Variants in TENM4 observed in about 807,000 individuals in gnomAD.
The protein encoded by TENM4 is teneurin-4.
A neutral mutation model predicts 243.3 loss-of-function variants in TENM4; 82 were observed. That is an observed-to-expected ratio of 0.34 (90% CI 0.28 to 0.40). The LOEUF is 0.40. TENM4 is among the 10% of genes least tolerant of loss of function. TENM4 has a pLI of 1.00. For missense variants in TENM4, 3,138 were observed against 3,673.3 expected (o/e 0.85, Z 3.77); for synonymous variants, 1,412 against 1,456.3 (o/e 0.97, Z 0.69).
Position 78,702,337 on chromosome 11 carries a change from T to G in TENM4, c.4276A>C (p.Asn1426His). ...PMDNSLYVLDNNVVLQISENH... is the reference protein window; with the variant it reads ...PMDNSLYVLDHNVVLQISENH... Reference sequence around the variant, plus strand: ...TCAGAGATTTGCAGGACCACATTGTTGTCGAGGACATAAAGTGAGTTGTCC... The same window carrying G: ...TCAGAGATTTGCAGGACCACATTGTGGTCGAGGACATAAAGTGAGTTGTCC... Residue 1426 changes from asparagine (N) to histidine (H), a missense_variant, in exon 28 of 34, where the codon AAC (asparagine) becomes CAC (histidine). Asn to His is a moderately conservative substitution (Grantham distance 68). Transcript: ENST00000278550. The G allele has an allele frequency of 6.2e-7, 1 of 1,614,026 alleles. No individual in the cohort carries two copies. The highest frequency in any genetic ancestry group is 2.2e-5 in the East Asian group (1 of 44,888).
intron 1 of TENM4, among the ~76,000 whole-genome samples, chr11:79,304,063 G>A (rs1856589936): frequency 6.6e-6 from 1 of 152,162 alleles, no homozygotes; most frequent in Admixed American, 6.5e-5. Context: ...GTTGGAAGAA[G>A]GGCATCTGAA....
At chr11:79,374,551 T>G (rs1020869255) in intron 1 of TENM4, among the ~76,000 whole-genome samples, 2 of 124,782 alleles carry the variant, frequency 1.6e-5, no homozygotes, top group African/African-American at 3.4e-5. Flanking sequence ...TATCTATATA[T>G]CTATATAGAT....
intron 19 of TENM4, among the ~76,000 whole-genome samples, chr11:78,755,746 C>T (rs11237601): frequency 0.12 from 18,652 of 152,150 alleles, 1,176 homozygotes; most frequent in Middle Eastern, 0.17. Flanking sequence ...CAATCAGTTA[C>T]CAAGTCCTGC....
At chr11:78,704,169 A>G (rs1367803299) in intron 27 of TENM4, among the ~76,000 whole-genome samples, 3 of 101,682 alleles carry the variant, frequency 3.0e-5, no homozygotes, top group African/African-American at 9.9e-5. Context: ...CTATATATAT[A>G]TATATATATA....
chr11:78,797,517 A>G (rs1857184599), intron 15 of TENM4, among the ~76,000 whole-genome samples: 1 of 152,246 alleles, frequency 6.6e-6, no homozygotes, highest in Admixed American at 6.5e-5. Context: ...AAAACGTTCC[A>G]GGGCTGTCAG....
chr11:78,957,461 C>T (rs1013433666), intron 6 of TENM4, among the ~76,000 whole-genome samples: 2 of 152,156 alleles, frequency 1.3e-5, no homozygotes, highest in African/African-American at 4.8e-5. Flanking sequence ...GTTGACACCC[C>T]CAGGGACTCT....
At chr11:79,392,771 G>T (rs904642384) in intron 1 of TENM4, among the ~76,000 whole-genome samples, 2 of 152,212 alleles carry the variant, frequency 1.3e-5, no homozygotes, top group African/African-American at 2.4e-5. Flanking sequence ...AGGGTTTAAG[G>T]TCTTCCTAAA....
At chr11:78,768,960 T>C (rs988096313) in intron 18 of TENM4, among the ~76,000 whole-genome samples, 1 of 152,186 alleles carries the variant, frequency 6.6e-6, no homozygotes, top group African/African-American at 2.4e-5. Flanking sequence ...TCAATGAGCC[T>C]TGTTCTATAA....
intron 9 of TENM4, among the ~76,000 whole-genome samples, chr11:78,886,951 C>T (rs574356371): frequency 5.9e-5 from 9 of 152,294 alleles, no homozygotes; most frequent in African/African-American, 1.2e-4. Context: ...GTAATTGAAG[C>T]GATCAGCTTT....
chr11:79,419,656 T>C (rs1307153158), intron 1 of TENM4, among the ~76,000 whole-genome samples: 3 of 152,218 alleles, frequency 2.0e-5, no homozygotes, highest in Non-Finnish European at 4.4e-5. Context: ...CCTAGTTTCA[T>C]TTCCTCAGCT....
chr11:79,432,571 T>C (rs941458524), intron 1 of TENM4, among the ~76,000 whole-genome samples: 3 of 152,200 alleles, frequency 2.0e-5, no homozygotes, highest in Non-Finnish European at 4.4e-5. Context: ...ACCTTCACAA[T>C]AGTTTTGATG....
chr11:79,276,357 G>A (rs1302678683), intron 2 of TENM4, among the ~76,000 whole-genome samples: 1 of 152,234 alleles, frequency 6.6e-6, no homozygotes, highest in East Asian at 1.9e-4. Context: ...CCTGGAGGAA[G>A]GGCATTGTCT....
In TENM4 at chr11:78,658,381, A is replaced by G; in HGVS notation, c.7987T>C (p.Tyr2663His). 4 of 1,614,014 alleles carry G rather than the reference A, an allele frequency of 2.5e-6. No individual in the cohort carries two copies. Among genetic ancestry groups the G allele is most frequent in the Admixed American group, 1.7e-5 (1 of 60,022 alleles). ...NTVLNGRTRR[Y>H]TDIQLQYGAL... ...CCGTACTGGAGCTGGATGTCTGTGT[A>G]GCGTCTAGTCCTGCCATTAAGTACT... The change falls in exon 34 of 34, where the codon TAC becomes CAC. Residue 2663 changes from tyrosine (Y) to histidine (H), a missense_variant. Tyr to His is a moderately conservative substitution (Grantham distance 83). This residue lies in a region of TENM4 where 2,467 missense variants were observed against 3,059.1 expected (regional missense o/e 0.81). Transcript: ENST00000278550.
chr11:78,936,537 G>C (rs2136440202), intron 6 of TENM4, among the ~76,000 whole-genome samples: 1 of 152,290 alleles, frequency 6.6e-6, no homozygotes, highest in African/African-American at 2.4e-5. Context: ...CACTGGAAAA[G>C]GGGCCATCAG....
intron 4 of TENM4, among the ~76,000 whole-genome samples, chr11:79,110,030 C>G (rs1861468495): frequency 6.6e-6 from 1 of 152,244 alleles, no homozygotes; most frequent in African/African-American, 2.4e-5. Flanking sequence ...ACAATTCCTG[C>G]TGGCACATTC....
intron 1 of TENM4, among the ~76,000 whole-genome samples, chr11:79,309,030 T>C (rs76536873): frequency 0.037 from 5,542 of 151,600 alleles, 337 homozygotes; most frequent in African/African-American, 0.13. Flanking sequence ...CCTATAGAGA[T>C]AAGATAATAA....
At chr11:79,282,132 G>A (rs911331718) in intron 2 of TENM4, among the ~76,000 whole-genome samples, 4 of 152,128 alleles carry the variant, frequency 2.6e-5, no homozygotes, top group African/African-American at 4.8e-5. Context: ...CTTCAAACCC[G>A]CAAGGAAACA....
chr11:79,394,863 C>T (rs935918900), intron 1 of TENM4, among the ~76,000 whole-genome samples: 6 of 152,002 alleles, frequency 3.9e-5, no homozygotes, highest in Admixed American at 1.3e-4. Context: ...CATGTGAGGG[C>T]GGAGGCAGAG....
chr11:78,791,683 C>G (rs912142465), intron 15 of TENM4, among the ~76,000 whole-genome samples: 1 of 152,130 alleles, frequency 6.6e-6, no homozygotes, highest in Admixed American at 6.5e-5. Context: ...TTAGCATGAA[C>G]AAAAGTATAG....
Sources: allele counts gnomAD v4.1 joint callset (sites outside exome capture counted in the v4.1 genomes callset), GRCh38; gene constraint gnomAD v4.1.1; regional missense constraint gnomAD v4.1.1; transcripts MANE v1.5; gene names NCBI Gene and HGNC (gene_info 2026-07-23, HGNC 2026-07-21).